Variants in CADPS observed in about 807,000 individuals in gnomAD.
CADPS encodes calcium-dependent secretion activator 1.
CADPS carries 57 observed loss-of-function variants against 167.3 expected under a neutral mutation model. That is an observed-to-expected ratio of 0.34 (90% CI 0.28 to 0.42). The LOEUF (loss-of-function observed/expected upper bound fraction) is 0.42, where lower values mean the gene tolerates loss of function less well. CADPS is among the 20% of genes least tolerant of loss of function. The probability of loss-of-function intolerance (pLI) is 1.00; values close to 1 mark genes in which losing one functional copy is unlikely to be tolerated. For synonymous variants in CADPS, 676 were observed against 635.3 expected, an observed-to-expected ratio of 1.06 and a Z score of -0.96; for missense variants, 1,414 against 1,738.1, an observed-to-expected ratio of 0.81 and a Z score of 3.32.
At chr3:62,804,921 A>C (rs1559704989) in intron 1 of CADPS, among the ~76,000 whole-genome samples, 2 of 152,310 alleles carry the variant, frequency 1.3e-5, no homozygotes, top group Non-Finnish European at 1.5e-5. Flanking sequence ...TGAACAAAGT[A>C]TAAATAATCA....
intron 10 of CADPS, among the ~76,000 whole-genome samples, chr3:62,556,499 A>G (rs2078170032): frequency 6.6e-6 from 1 of 152,164 alleles, no homozygotes; most frequent in Non-Finnish European, 1.5e-5. Flanking sequence ...ATGGGAGTAG[A>G]AAAAAAGGTT....
At chr3:62,831,639 T>C (rs1469184664) in intron 1 of CADPS, among the ~76,000 whole-genome samples, 1 of 152,206 alleles carries the variant, frequency 6.6e-6, no homozygotes, top group African/African-American at 2.4e-5. Context: ...TTTTAGAATG[T>C]AAATTCCATC....
At chr3:62,682,706 C>T (rs1330596956) in intron 3 of CADPS, among the ~76,000 whole-genome samples, 1 of 151,980 alleles carries the variant, frequency 6.6e-6, no homozygotes, top group African/African-American at 2.4e-5. Context: ...TTCTCCTTTC[C>T]CTTTTTTCTC....
intron 3 of CADPS, among the ~76,000 whole-genome samples, chr3:62,669,819 T>C (rs2075186562): frequency 6.6e-6 from 1 of 152,236 alleles, no homozygotes; most frequent in Non-Finnish European, 1.5e-5. Flanking sequence ...GCAGTCACGT[T>C]CAGTAAATCT....
At chr3:62,415,828 G>A (rs963803458) in intron 28 of CADPS, among the ~76,000 whole-genome samples, 7 of 152,162 alleles carry the variant, frequency 4.6e-5, no homozygotes, top group African/African-American at 9.7e-5. Flanking sequence ...ATGGCAATGC[G>A]AAGTGACAAG....
chr3:62,572,581 A>T (rs948551363), intron 8 of CADPS, among the ~76,000 whole-genome samples: 1 of 152,124 alleles, frequency 6.6e-6, no homozygotes, highest in African/African-American at 2.4e-5. Flanking sequence ...CTTACATTTC[A>T]TCATTGGTCC....
At chr3:62,864,141 G>C (rs942561151) in intron 1 of CADPS, among the ~76,000 whole-genome samples, 1 of 152,176 alleles carries the variant, frequency 6.6e-6, no homozygotes, top group Non-Finnish European at 1.5e-5. Context: ...AGAAGGTAAT[G>C]AGTTGATTTA....
chr3:62,428,296 C>CTTTTTTTTTTT (rs34002756), intron 28 of CADPS, among the ~76,000 whole-genome samples: 2 of 64,662 alleles, frequency 3.1e-5, no homozygotes, highest in Non-Finnish European at 5.1e-5. Flanking sequence ...GGAAGCAAGA[C>CTTTTTTTTTTT]TTTTTTTTTT....
chr3:62,728,505 C>G (rs477518), intron 3 of CADPS, among the ~76,000 whole-genome samples: 34,465 of 151,708 alleles, frequency 0.23, 4,436 homozygotes, highest in African/African-American at 0.31. Flanking sequence ...TTAACTTTCC[C>G]CTTCACAAAT....
chr3:62,737,722 T>C (rs2079294846), intron 3 of CADPS, among the ~76,000 whole-genome samples: 1 of 152,296 alleles, frequency 6.6e-6, no homozygotes, highest in East Asian at 1.9e-4. Context: ...TGATCTTATG[T>C]CTTGGTATCC....
chr3:62,437,864 G>A (rs540642942), intron 28 of CADPS, among the ~76,000 whole-genome samples: 11 of 152,252 alleles, frequency 7.2e-5, no homozygotes, highest in Non-Finnish European at 1.3e-4. Context: ...CCTGCTTGCC[G>A]AGAGGCTGTG....
chr3:62,693,103 G>T (rs972124996), intron 3 of CADPS, among the ~76,000 whole-genome samples: 1 of 151,812 alleles, frequency 6.6e-6, no homozygotes, highest in South Asian at 2.1e-4. Context: ...AGGAACATTC[G>T]GTCCCTCCCA....
intron 26 of CADPS, among the ~76,000 whole-genome samples, chr3:62,461,123 G>A (rs1201767293): frequency 6.6e-6 from 1 of 152,204 alleles, no homozygotes; most frequent in Non-Finnish European, 1.5e-5. Context: ...ACCTTTCCAA[G>A]CCTTAGTTTC....
intron 27 of CADPS, chr3:62,439,301 A>G (rs1038410103): frequency 7.2e-5 from 11 of 152,224 alleles, no homozygotes; most frequent in Admixed American, 3.3e-4. Context: ...AAGGTTTAGA[A>G]ACAGTAGGAC....
In CADPS at chr3:62,753,734, T is replaced by G; in HGVS notation, c.595A>C (p.Ser199Arg). ...KSDRVARMVQ[S>R]GGCSANDSRE... ...GAGTCGTTGGCGGAACAGCCTCCAC[T>G]CTGAACCATGCGGGCCACACGGTCG... The change falls in exon 3 of 30, where the codon AGT (serine) becomes CGT (arginine). Residue 199 changes from serine to arginine, a missense_variant. Coordinates refer to ENST00000383710, the MANE Select transcript of CADPS (RefSeq NM_003716.4). The surrounding 1 kb of genome is among the most constrained non-coding windows in gnomAD (Gnocchi z 4.6). 1 of 1,614,014 alleles carries G rather than the reference T, an allele frequency of 6.2e-7. No homozygotes were observed. The highest frequency in any genetic ancestry group is 8.5e-7 in the Non-Finnish European group (1 of 1,179,996).
At chr3:62,588,293 C>CT in intron 7 of CADPS, among the ~76,000 whole-genome samples, 1 of 90,860 alleles carries the variant, frequency 1.1e-5, no homozygotes, top group East Asian at 3.5e-4. Context: ...ATTTCCAGGT[C>CT]TTTCTTTTTT....
At chr3:62,764,115 C>G (rs1162188021) in intron 2 of CADPS, among the ~76,000 whole-genome samples, 1 of 152,136 alleles carries the variant, frequency 6.6e-6, no homozygotes, top group African/African-American at 2.4e-5. Context: ...TGGTGAATGA[C>G]TCTAAATATG....
intron 4 of CADPS, among the ~76,000 whole-genome samples, chr3:62,651,665 T>G (rs1391904257): frequency 6.6e-6 from 1 of 152,190 alleles, no homozygotes; most frequent in Non-Finnish European, 1.5e-5. Flanking sequence ...GATAGAGCAA[T>G]TTGGTATCAT....
At chr3:62,650,115 A>G (rs2069710720) in intron 5 of CADPS, among the ~76,000 whole-genome samples, 1 of 152,174 alleles carries the variant, frequency 6.6e-6, no homozygotes, top group African/African-American at 2.4e-5. Context: ...GCTAGATCAT[A>G]TGGTAGTTTT....
Sources: allele counts gnomAD v4.1 joint callset (sites outside exome capture counted in the v4.1 genomes callset), GRCh38; gene constraint gnomAD v4.1.1; non-coding constraint Gnocchi (gnomAD v3.1); transcripts MANE v1.5; gene names NCBI Gene and HGNC (gene_info 2026-07-23, HGNC 2026-07-21).